SLC49A3: variants seen among roughly 807,000 people sequenced by gnomAD.
The protein encoded by SLC49A3 is solute carrier family 49 member 3.
In SLC49A3, 50 loss-of-function variants were observed where a neutral mutation model predicts 43.8. The ratio of observed to expected loss-of-function variants is 1.14; its 90% CI spans 0.91 to 1.45. The LOEUF (loss-of-function observed/expected upper bound fraction) is 1.45. Ranked by LOEUF, SLC49A3 falls within the 40% of genes most tolerant of loss-of-function variation. The pLI is 0.00. For synonymous variants in SLC49A3, 413 were observed against 352.0 expected (o/e 1.17, Z -1.94); for missense variants, 906 against 774.1 (o/e 1.17, Z -2.02).
downstream of SLC49A3, chr4:678,314 G>C: frequency 1.4e-6 from 2 of 1,428,320 alleles, no homozygotes; most frequent in Non-Finnish European, 1.8e-6. Context: ...ACAAAATCCC[G>C]GTACCCAGAA....
downstream of SLC49A3, among the ~76,000 whole-genome samples, chr4:681,378 G>A (rs1192636094): frequency 6.6e-6 from 1 of 152,056 alleles, no homozygotes; most frequent in African/African-American, 2.4e-5. Flanking sequence ...ACCCCTCCGC[G>A]GCCTGAGCGT....
At position 685,949 on chromosome 4, in the gene SLC49A3, G is replaced by A; in HGVS notation, c.509-38C>T. The stretch of plus-strand genomic sequence containing the variant: ...ATGCACAAAGTGTCAGCTCGGCTGT[G>A]GCCTGGCTTCATCGCCAGCCCACAG... On this transcript the variant is annotated intron_variant, in intron 3 of 9. Transcript: ENST00000322224. The surrounding 1 kb of genome is among the most constrained non-coding windows in gnomAD (Gnocchi z 4.3). 6.2e-7 allele frequency: 1 copy of A among 1,613,004 alleles called. No homozygotes were observed. The highest frequency in any genetic ancestry group is 1.1e-5 in the South Asian group (1 of 91,038).
chr4:681,472 G>A (rs1739522998), downstream of SLC49A3, among the ~76,000 whole-genome samples: 1 of 85,268 alleles, frequency 1.2e-5, no homozygotes, highest in African/African-American at 4.7e-5. Flanking sequence ...CAGCCCCAGC[G>A]GGCGAGACTA....
At chr4:683,093 G>A in intron 8 of SLC49A3, 117 bp downstream of exon 8, 1 of 1,387,618 alleles carries the variant, frequency 7.2e-7, no homozygotes, top group Non-Finnish European at 9.9e-7. Context: ...TGCCAGAGCA[G>A]GCAGGTTCCC....
chr4:677,394 C>T (rs1235048321), downstream of SLC49A3, among the ~76,000 whole-genome samples: 1 of 152,216 alleles, frequency 6.6e-6, no homozygotes, highest in Non-Finnish European at 1.5e-5. Flanking sequence ...TAGAGTCCCC[C>T]TCCCAGCCCA....
downstream of SLC49A3, chr4:679,139 C>A: frequency 9.2e-7 from 1 of 1,087,088 alleles, no homozygotes; most frequent in Non-Finnish European, 1.4e-6. Context: ...AGGGCCCGCG[C>A]CTCAGAGGCC....
In SLC49A3 at chr4:683,252, G is replaced by T. The variant is rs764575734; in HGVS notation, c.1109C>A (p.Pro370His). 3 of 1,612,824 alleles carry T rather than the reference G, an allele frequency of 1.9e-6. No individual in the cohort carries two copies. Among genetic ancestry groups the T allele is most frequent in the Non-Finnish European group, 2.5e-6 (3 of 1,179,926 alleles). The change falls in exon 8 of 10, where the codon CCC becomes CAC. Residue 370 changes from proline to histidine, a missense_variant. Transcript: ENST00000322224. ...AMELAVECSF[P>H]VGEGAATGMI... Reference sequence around the variant, plus strand: ...GCCTGTGGCAGCCCCCTCCCCCACGGGGAAGGAACACTCGACCGCCAACTC... The same window carrying T: ...GCCTGTGGCAGCCCCCTCCCCCACGTGGAAGGAACACTCGACCGCCAACTC...
chr4:682,504 C>T lies in SLC49A3; in HGVS notation c.1262-128G>A, dbSNP rs1739966856. On this transcript the variant is annotated intron_variant, in intron 9 of 9. Transcript: ENST00000322224. ...AGTGACCCCAGACGGAGAGCCCACTCGCAGCTCTTGACAGCCCTGAGGGGG... is the reference window on the plus strand; with the variant it reads ...AGTGACCCCAGACGGAGAGCCCACTTGCAGCTCTTGACAGCCCTGAGGGGG... 1.2e-5 allele frequency: 13 copies of T among 1,046,698 alleles called. No individual in the cohort carries two copies. The South Asian group carries it at 2.3e-4, about 19-fold the overall frequency. 64.8% of individuals were successfully genotyped at this position (1,046,698 alleles called of 1,614,324 possible).
chr4:677,817 C>T, downstream of SLC49A3: 1 of 729,744 alleles, frequency 1.4e-6, no homozygotes, highest in Non-Finnish European at 2.4e-6. Flanking sequence ...AGGCTGGGGG[C>T]CTTGCGGGGT....
At chr4:686,326 G>T in intron 2 of SLC49A3, 24 bp from the exon 3 acceptor site, 2 of 1,610,834 alleles carry the variant, frequency 1.2e-6, no homozygotes, top group Non-Finnish European at 1.7e-6. Context: ...GTCGGGGACC[G>T]GGTCAGGAAC....
chr4:680,410 C>T (rs1306969059), downstream of SLC49A3: 2 of 1,236,840 alleles, frequency 1.6e-6, no homozygotes, highest in Non-Finnish European at 2.4e-6. Flanking sequence ...TTGGAGTCTC[C>T]CCCTGCTTGG....
chr4:678,130 C>T (rs1216639187), downstream of SLC49A3: 18 of 1,563,818 alleles, frequency 1.2e-5, no homozygotes, highest in East Asian at 4.8e-5. Flanking sequence ...TCCGTGCTTG[C>T]GTGTGAATGC....
In SLC49A3 at chr4:686,180, GGCAAGGGCACAGAGGC is replaced by G. The variant is rs753543535; in HGVS notation, c.401_416del (p.Ser134ThrfsTer56). On this transcript the variant is annotated frameshift_variant, in exon 3 of 10. Transcript: ENST00000322224. LOFTEE classifies it high-confidence loss of function. Reference sequence around the variant, plus strand: ...CTGGAGAGAAGATGACCAGGCTCTGGGCAAGGGCACAGAGGCTCTGGCCACCCATGAGGAAGGCAAA... The same window carrying G: ...CTGGAGAGAAGATGACCAGGCTCTGGTCTGGCCACCCATGAGGAAGGCAAA... The G allele has an allele frequency of 2.5e-6, 4 of 1,613,494 alleles. No homozygotes were observed. The highest frequency in any genetic ancestry group is 3.4e-6 in the Non-Finnish European group (4 of 1,180,018).
Position 682,191 on chromosome 4 carries a change from C to T in SLC49A3, c.1447G>A (p.Gly483Arg), listed in dbSNP as rs538259854. The T allele has an allele frequency of 1.5e-6, 2 of 1,365,406 alleles. No individual in the cohort carries two copies. Among genetic ancestry groups the T allele is most frequent in the African/African-American group, 1.5e-5 (1 of 66,296 alleles). 84.6% of individuals were successfully genotyped at this position (1,365,406 alleles called of 1,614,324 possible). The change falls in exon 10 of 10, where the codon GGG becomes AGG. Residue 483 changes from glycine (G) to arginine (R), a missense_variant. Physicochemically the swap from Gly to Arg is moderately radical, Grantham distance 125. Coordinates refer to ENST00000322224, the MANE Select transcript of SLC49A3 (RefSeq NM_032219.4). Reference sequence around the variant, plus strand: ...CACTCCGGAGTCGCCGTGCTGGGCCCCAGGACCCCAGCCCTTCCTGCTCCC... The same window carrying T: ...CACTCCGGAGTCGCCGTGCTGGGCCTCAGGACCCCAGCCCTTCCTGCTCCC... ...RGGAGRAGVL[G>R]PSTATPECTA...
At chr4:686,365 TC>T (rs1741034565) in intron 2 of SLC49A3, 63 bp from the exon 3 acceptor site, 1 of 1,567,184 alleles carries the variant, frequency 6.4e-7, no homozygotes. Flanking sequence ...GCCTGCCCCG[TC>T]CCCCGAGCAC....
At chr4:683,078 G>T in intron 8 of SLC49A3, 132 bp downstream of exon 8, 1 of 1,291,160 alleles carries the variant, frequency 7.7e-7, no homozygotes, top group South Asian at 1.4e-5. Context: ...AACCTGCTCG[G>T]CCCTTGCCAG....
downstream of SLC49A3, chr4:680,400 T>C: frequency 8.6e-7 from 1 of 1,164,390 alleles, no homozygotes; most frequent in South Asian, 1.3e-5. Context: ...GGGCAGAGGC[T>C]TGGAGTCTCC....
In SLC49A3 at chr4:686,230, G is replaced by T; in HGVS notation, c.367C>A (p.Gln123Lys). The change falls in exon 3 of 10, where the codon CAA becomes AAA. Residue 123 changes from glutamine to lysine, a missense_variant. Transcript: ENST00000322224. ...CCCATGAGGAAGGCAAATGGGTTTTGGGTCCCAACAACCATGCAGGGCACC... is the reference window on the plus strand; with the variant it reads ...CCCATGAGGAAGGCAAATGGGTTTTTGGTCCCAACAACCATGCAGGGCACC... ...RMVPCMVVGT[Q>K]NPFAFLMGGQ... 6.2e-7 allele frequency: 1 copy of T among 1,613,602 alleles called. No homozygotes were observed.
chr4:685,706 G>C lies in SLC49A3; in HGVS notation c.585+129C>G, dbSNP rs958806110. ...GAGCGACAGGCTGAGACTCCTTCTC[G>C]GGTGGCGGGGCGGGGGACGGGAATC... is the stretch of plus-strand genomic sequence containing the variant. On this transcript the variant is annotated intron_variant, in intron 4 of 9. Coordinates refer to ENST00000322224, the MANE Select transcript of SLC49A3 (RefSeq NM_032219.4). This position sits in a 1 kb window ranked among gnomAD's most constrained non-coding sequence, Gnocchi z 4.3. 5.3e-6 allele frequency: 5 copies of C among 951,854 alleles called. No individual in the cohort carries two copies. The highest frequency in any genetic ancestry group is 8.1e-6 in the Non-Finnish European group (5 of 619,434). 59.0% of individuals were successfully genotyped at this position (951,854 alleles called of 1,614,324 possible).
Sources: gnomAD v4.1 joint callset for allele counts (sites outside exome capture counted in the v4.1 genomes callset) on GRCh38, gnomAD v4.1.1 for gene constraint, Gnocchi (gnomAD v3.1) non-coding constraint, MANE v1.5 for transcripts, NCBI Gene and HGNC (gene_info 2026-07-23, HGNC 2026-07-21) for gene names.